EYS: variants seen among roughly 807,000 people sequenced by gnomAD.
EYS encodes protein eyes shut homolog.
EYS carries 250 observed loss-of-function variants against 282.1 expected under a neutral mutation model. The observed-to-expected ratio is 0.89, with a 90% CI of 0.80 to 0.98. The LOEUF is 0.98. Among genes scored for constraint, EYS ranks in the 50% least tolerant of loss-of-function variants. The pLI, the probability that EYS is intolerant of heterozygous loss-of-function variation, is 0.00. For missense variants in EYS, 4,016 were observed against 3,709.0 expected (o/e 1.08, Z -2.15); for synonymous variants, 1,355 against 1,282.9 (o/e 1.06, Z -1.20).
At chr6:64,026,497 G>C (rs59332297) in intron 33 of EYS, among the ~76,000 whole-genome samples, 2,153 of 152,230 alleles carry the variant, frequency 0.014, 35 homozygotes, top group African/African-American at 0.042. Flanking sequence ...TTCTCTCTCT[G>C]ATGGGAAAAA....
chr6:65,521,461 A>G (rs1380266574), intron 2 of EYS, among the ~76,000 whole-genome samples: 1 of 152,158 alleles, frequency 6.6e-6, no homozygotes, highest in Non-Finnish European at 1.5e-5. Context: ...TTCCAAATAG[A>G]AAGTTAGTAA....
intron 23 of EYS, among the ~76,000 whole-genome samples, chr6:64,624,136 T>G (rs912806940): frequency 2.0e-5 from 3 of 152,124 alleles, no homozygotes; most frequent in Non-Finnish European, 2.9e-5. Flanking sequence ...CGCCTAGCAA[T>G]ACAGGTGGTA....
intron 2 of EYS, among the ~76,000 whole-genome samples, chr6:65,577,005 A>T (rs1317569232): frequency 6.6e-6 from 1 of 151,888 alleles, no homozygotes; most frequent in Non-Finnish European, 1.5e-5. Flanking sequence ...AAAGCAATCT[A>T]TGAATTTTAT....
At chr6:64,803,200 C>A (rs1764313194) in intron 22 of EYS, among the ~76,000 whole-genome samples, 1 of 152,124 alleles carries the variant, frequency 6.6e-6, no homozygotes, top group Admixed American at 6.5e-5. Context: ...CCAGGAGACC[C>A]AGAGTGGGTA....
intron 2 of EYS, among the ~76,000 whole-genome samples, chr6:65,618,866 T>C (rs1405292000): frequency 6.6e-6 from 1 of 152,194 alleles, no homozygotes; most frequent in Non-Finnish European, 1.5e-5. Flanking sequence ...CAGTTGTAGA[T>C]ATGCGGCATT....
At chr6:64,696,564 A>G (rs909280784) in intron 22 of EYS, among the ~76,000 whole-genome samples, 1 of 152,180 alleles carries the variant, frequency 6.6e-6, no homozygotes, top group Non-Finnish European at 1.5e-5. Context: ...TAGACTCTCT[A>G]AAGTCAATAT....
At chr6:64,643,420 G>T (rs1300129891) in intron 22 of EYS, among the ~76,000 whole-genome samples, 1 of 152,166 alleles carries the variant, frequency 6.6e-6, no homozygotes, top group Non-Finnish European at 1.5e-5. Flanking sequence ...AGACAAAGTG[G>T]TATGTATGGT....
At chr6:65,082,657 C>A (rs371330037) in intron 12 of EYS, among the ~76,000 whole-genome samples, 10 of 152,042 alleles carry the variant, frequency 6.6e-5, no homozygotes, top group African/African-American at 2.4e-4. Context: ...ATTTTTCCTA[C>A]ACTCTGTGCA....
chr6:65,635,852 T>C (rs1033938658), intron 2 of EYS, among the ~76,000 whole-genome samples: 4 of 152,146 alleles, frequency 2.6e-5, no homozygotes, highest in African/African-American at 7.2e-5. Flanking sequence ...CTTAAGAGGA[T>C]AGCTGTGCCC....
Position 65,364,568 on chromosome 6 carries a change from C to A in EYS, c.1300-10951G>T, listed in dbSNP as rs1001688081. 2.0e-5 allele frequency among the ~76,000 whole-genome samples: 3 copies of A among 151,268 alleles called. 1 individual carries two copies. The highest frequency in any genetic ancestry group is 7.3e-5 in the African/African-American group (3 of 41,316). On this transcript the variant is annotated intron_variant, in intron 8 of 42. Coordinates refer to ENST00000503581, the MANE Select transcript of EYS (RefSeq NM_001142800.2). ...TATTAAGACTTCTTATGATATCCTT[C>A]TCTTTAGGTTTGATTCTAGGTAATT...
At chr6:64,357,683 C>G (rs1415160853) in intron 29 of EYS, among the ~76,000 whole-genome samples, 2 of 151,506 alleles carry the variant, frequency 1.3e-5, no homozygotes, top group African/African-American at 4.8e-5. Flanking sequence ...CATAAAGGGA[C>G]AGAGAACAAG....
intron 14 of EYS, among the ~76,000 whole-genome samples, chr6:64,987,936 A>G (rs953228941): frequency 6.6e-6 from 1 of 151,438 alleles, no homozygotes; most frequent in Non-Finnish European, 1.5e-5. Flanking sequence ...GTTATATTTA[A>G]TATACTTATT....
intron 23 of EYS, among the ~76,000 whole-genome samples, chr6:64,623,466 C>T (rs550394227): frequency 9.2e-5 from 14 of 152,116 alleles, no homozygotes; most frequent in African/African-American, 2.9e-4. Context: ...GCCCTTTTCT[C>T]GATGCTATGA....
chr6:65,380,741 C>T (rs1765579117), intron 8 of EYS, among the ~76,000 whole-genome samples: 1 of 151,874 alleles, frequency 6.6e-6, no homozygotes, highest in East Asian at 1.9e-4. Flanking sequence ...GGGCTAATAC[C>T]CAGAATCTAC....
chr6:64,125,917 T>C lies in EYS; in HGVS notation c.6425-43915A>G, dbSNP rs1237252196. On this transcript the variant is annotated intron_variant, in intron 31 of 42. Transcript: ENST00000503581. ...TATGCACATTTGCACTATTCTCTTC[T>C]TTTTTTTTTTTTTATTATACTTTAA... 1.4e-4 allele frequency among the ~76,000 whole-genome samples: 14 copies of C among 101,150 alleles called. 1 individual carries two copies. Among genetic ancestry groups the C allele is most frequent in the African/African-American group, 8.9e-4 (14 of 15,714 alleles). 66.4% of individuals were successfully genotyped at this position (101,150 alleles called of 152,430 possible). A position where few individuals can be genotyped will look rare whatever the true frequency, so the allele number is the denominator to read the frequency against.
At chr6:64,734,941 T>C (rs576745437) in intron 22 of EYS, among the ~76,000 whole-genome samples, 1 of 152,310 alleles carries the variant, frequency 6.6e-6, no homozygotes, top group Non-Finnish European at 1.5e-5. Flanking sequence ...TAGTTCTTTC[T>C]CTCTAATATA....
At chr6:64,967,745 C>A (rs1770147299) in intron 14 of EYS, among the ~76,000 whole-genome samples, 1 of 152,108 alleles carries the variant, frequency 6.6e-6, no homozygotes, top group Non-Finnish European at 1.5e-5. Flanking sequence ...TTGGAAATCT[C>A]CCATTTATCA....
At chr6:64,188,135 C>T (rs1765000489) in intron 31 of EYS, among the ~76,000 whole-genome samples, 2 of 152,056 alleles carry the variant, frequency 1.3e-5, no homozygotes. Flanking sequence ...CATTTCATCG[C>T]TTTTCAGTCT....
At chr6:64,220,973 T>C (rs1766083131) in intron 31 of EYS, among the ~76,000 whole-genome samples, 1 of 152,144 alleles carries the variant, frequency 6.6e-6, no homozygotes, top group South Asian at 2.1e-4. Flanking sequence ...TTCATGAGGA[T>C]TAAATGAGTC....
Sources: allele counts gnomAD v4.1 joint callset (sites outside exome capture counted in the v4.1 genomes callset), GRCh38; gene constraint gnomAD v4.1.1; transcripts MANE v1.5; gene names NCBI Gene and HGNC (gene_info 2026-07-23, HGNC 2026-07-21).